Variants in CMSS1 observed in about 807,000 individuals in gnomAD.
The protein encoded by CMSS1 is cms1 ribosomal small subunit homolog.
A neutral mutation model predicts 43.5 loss-of-function variants in CMSS1; 33 were observed. The observed-to-expected ratio is 0.76, with a 90% confidence interval of 0.57 to 1.01. CMSS1 has a LOEUF of 1.01. Among genes scored for constraint, CMSS1 ranks in the 50% least tolerant of loss-of-function variants. CMSS1 has a pLI of 0.00. For synonymous variants in CMSS1, 115 were observed against 117.2 expected (o/e 0.98, Z 0.12); for missense variants, 313 against 326.4 (o/e 0.96, Z 0.32).
intron 1 of CMSS1, among the ~76,000 whole-genome samples, chr3:99,846,244 C>T (rs189733207): frequency 1.1e-3 from 166 of 152,302 alleles, no homozygotes; most frequent in African/African-American, 3.8e-3. Context: ...TATCTGTTTC[C>T]CCCAGTGCCA....
chr3:99,965,743 G>T (rs1252871469), intron 1 of CMSS1, among the ~76,000 whole-genome samples: 2 of 152,152 alleles, frequency 1.3e-5, no homozygotes, highest in Admixed American at 6.5e-5. Flanking sequence ...CTGAGTTTTA[G>T]GTTAAATGAA....
chr3:99,852,839 T>C lies in CMSS1; in HGVS notation c.64+34796T>C, dbSNP rs564195458. 2.0e-5 allele frequency among the ~76,000 whole-genome samples: 3 copies of C among 152,374 alleles called. No homozygotes were observed. The South Asian group carries it at 6.2e-4, about 32-fold the overall frequency. On this transcript the variant is annotated intron_variant, in intron 1 of 9. Coordinates refer to ENST00000421999, the MANE Select transcript of CMSS1 (RefSeq NM_032359.4). Reference sequence around the variant, plus strand: ...TAATCTGCTCTTTTCTGTAATTTTCTGTAATTACATTCCATAGGAGGAACA... The same window carrying C: ...TAATCTGCTCTTTTCTGTAATTTTCCGTAATTACATTCCATAGGAGGAACA...
chr3:99,943,299 G>A (rs1276555041), intron 1 of CMSS1, among the ~76,000 whole-genome samples: 1 of 152,162 alleles, frequency 6.6e-6, no homozygotes, highest in Non-Finnish European at 1.5e-5. Flanking sequence ...AAATGTGTCA[G>A]CCCTGACACT....
chr3:99,931,647 A>G (rs760217934), intron 1 of CMSS1, among the ~76,000 whole-genome samples: 7 of 152,206 alleles, frequency 4.6e-5, no homozygotes, highest in Non-Finnish European at 1.0e-4. Flanking sequence ...TATTCCTGAC[A>G]TTCTTCTAAA....
At chr3:99,956,185 A>G (rs113007403) in intron 1 of CMSS1, among the ~76,000 whole-genome samples, 4,047 of 152,178 alleles carry the variant, frequency 0.027, 193 homozygotes, top group African/African-American at 0.092. Context: ...TCTTCCACTT[A>G]TTCCTTAACC....
chr3:100,021,960 T>TGAGAGAGA (rs61630053), intron 1 of CMSS1, among the ~76,000 whole-genome samples: 139 of 93,302 alleles, frequency 1.5e-3, no homozygotes, highest in African/African-American at 2.9e-3. Context: ...TGTGTGTGTG[T>TGAGAGAGA]GAGAGAGAGA....
intron 1 of CMSS1, among the ~76,000 whole-genome samples, chr3:100,080,006 C>G (rs191958067): frequency 1.4e-4 from 21 of 152,132 alleles, no homozygotes; most frequent in African/African-American, 4.8e-4. Flanking sequence ...TCAAGCAACT[C>G]AGAATTCACC....
rs149723953 is a variant in CMSS1 at position 99,993,087 on chromosome 3, G to T, written c.65-153886G>T. The stretch of plus-strand genomic sequence containing the variant: ...TATAGTCTTGTATAATTTGAGTAAG[G>T]TAATGTGATACCTCCAGCTTTGTTC... On this transcript the variant is annotated intron_variant, in intron 1 of 9. Transcript: ENST00000421999. Among the ~76,000 whole-genome samples the T allele has an allele frequency of 7.2e-3, 1,092 of 152,070 alleles. 4 individuals are homozygous for T. Among genetic ancestry groups the T allele is most frequent in the African/African-American group, 9.9e-3 (412 of 41,512 alleles).
intron 1 of CMSS1, among the ~76,000 whole-genome samples, chr3:100,096,527 CAT>C (rs149100403): frequency 0.016 from 2,419 of 152,124 alleles, 35 homozygotes; most frequent in Non-Finnish European, 0.024. Context: ...ACAAACATCA[CAT>C]GTTCTGACTT....
chr3:99,930,989 G>T (rs1416520167), intron 1 of CMSS1: 1 of 1,613,714 alleles, frequency 6.2e-7, no homozygotes. Context: ...CTTTTGGGCT[G>T]AGCCCTCGGT....
chr3:100,112,035 C>T (rs1333148499), intron 1 of CMSS1, among the ~76,000 whole-genome samples: 2 of 152,144 alleles, frequency 1.3e-5, no homozygotes, highest in African/African-American at 2.4e-5. Flanking sequence ...CGGGGCCTGG[C>T]ACAGAGTAGG....
chr3:99,930,994 C>T (rs1576581369), intron 1 of CMSS1: 1 of 1,613,652 alleles, frequency 6.2e-7, no homozygotes, highest in Non-Finnish European at 8.5e-7. Flanking sequence ...GGGCTGAGCC[C>T]TCGGTATCAC....
intron 1 of CMSS1, among the ~76,000 whole-genome samples, chr3:99,991,825 T>TAC (rs1709518816): frequency 1.3e-5 from 1 of 75,018 alleles, no homozygotes. Context: ...ATGGTGTGTG[T>TAC]ATATATATAT....
chr3:99,915,873 A>C (rs776630854), intron 1 of CMSS1, among the ~76,000 whole-genome samples: 1 of 152,232 alleles, frequency 6.6e-6, no homozygotes, highest in Non-Finnish European at 1.5e-5. Context: ...GAAAACTCTT[A>C]TTAATTGTCA....
At chr3:100,055,115 G>A (rs370130124) in intron 1 of CMSS1, among the ~76,000 whole-genome samples, 6 of 152,040 alleles carry the variant, frequency 3.9e-5, no homozygotes, top group East Asian at 1.9e-4. Flanking sequence ...CAAAGTCCTC[G>A]TGGTCTGCCC....
At chr3:99,973,901 T>C (rs926992193) in intron 1 of CMSS1, among the ~76,000 whole-genome samples, 2 of 152,178 alleles carry the variant, frequency 1.3e-5, no homozygotes, top group Non-Finnish European at 2.9e-5. Flanking sequence ...CAATATATAA[T>C]TGATAAATAA....
chr3:100,124,122 G>T (rs913574209), intron 1 of CMSS1, among the ~76,000 whole-genome samples: 32 of 152,154 alleles, frequency 2.1e-4, no homozygotes, highest in Non-Finnish European at 1.3e-4. Flanking sequence ...AATAAAAGGT[G>T]CTGTATACAT....
At position 100,111,801 on chromosome 3, in the gene CMSS1, C is replaced by T. The variant is rs142227509; in HGVS notation, c.65-35172C>T. 7.2e-5 allele frequency among the ~76,000 whole-genome samples: 11 copies of T among 152,304 alleles called. No homozygotes were observed. The East Asian group carries it at 1.3e-3, about 19-fold the overall frequency. On this transcript the variant is annotated intron_variant, in intron 1 of 9. Transcript: ENST00000421999. ...TCTATAGCTTGCACCAAAATGTCAA[C>T]ATCCCTCAAAGAAGGCTCAAGTATT...
chr3:99,883,520 G>A (rs899275019), intron 1 of CMSS1, among the ~76,000 whole-genome samples: 7 of 152,118 alleles, frequency 4.6e-5, no homozygotes, highest in African/African-American at 1.7e-4. Flanking sequence ...GAATGTGTGT[G>A]TTGGCTGGGG....
Sources: gnomAD v4.1 joint callset for allele counts (sites outside exome capture counted in the v4.1 genomes callset) on GRCh38, gnomAD v4.1.1 for gene constraint, MANE v1.5 for transcripts, NCBI Gene and HGNC (gene_info 2026-07-23, HGNC 2026-07-21) for gene names.